Variants in FOXP1 observed in about 807,000 individuals in gnomAD.
The protein encoded by FOXP1 is forkhead box protein P1.
In FOXP1, 15 loss-of-function variants were observed where a neutral mutation model predicts 98.2. The ratio of observed to expected loss-of-function variants is 0.15; its 90% CI spans 0.10 to 0.24. FOXP1 has a LOEUF of 0.24. Ranked by LOEUF, FOXP1 falls within the 10% of genes least tolerant of loss-of-function variation. FOXP1 has a pLI of 1.00. For missense variants in FOXP1, 633 were observed against 848.5 expected (o/e 0.75, Z 3.15); for synonymous variants, 371 against 314.5 (o/e 1.18, Z -1.90).
intron 6 of FOXP1, among the ~76,000 whole-genome samples, chr3:71,157,051 G>A (rs1560036250): frequency 6.6e-6 from 1 of 152,240 alleles, no homozygotes; most frequent in South Asian, 2.1e-4. Flanking sequence ...ACAAGAGAGT[G>A]GAGGAGCATA....
chr3:71,009,562 G>T (rs548805686), intron 12 of FOXP1, among the ~76,000 whole-genome samples: 87 of 152,102 alleles, frequency 5.7e-4, no homozygotes, highest in African/African-American at 2.0e-3. Flanking sequence ...CAATTTCTTC[G>T]GATATATCAA....
chr3:71,016,965 T>C (rs1369647876), intron 11 of FOXP1, among the ~76,000 whole-genome samples: 1 of 150,662 alleles, frequency 6.6e-6, no homozygotes, highest in Non-Finnish European at 1.5e-5. Flanking sequence ...TTAAAGATAA[T>C]AACAAGCTAT....
intron 12 of FOXP1, among the ~76,000 whole-genome samples, chr3:71,010,792 A>C (rs1023588057): frequency 1.3e-5 from 2 of 152,098 alleles, no homozygotes; most frequent in Non-Finnish European, 2.9e-5. Context: ...CAATCTGAGC[A>C]AAGTACTTGA....
intron 5 of FOXP1, chr3:71,276,008 A>T (rs2070844119): frequency 6.6e-6 from 1 of 152,212 alleles, no homozygotes; most frequent in African/African-American, 2.4e-5. Context: ...ATTTGCACAA[A>T]TGACGGGTAG....
At chr3:71,072,308 A>C (rs1224383458) in intron 7 of FOXP1, among the ~76,000 whole-genome samples, 1 of 152,222 alleles carries the variant, frequency 6.6e-6, no homozygotes, top group Non-Finnish European at 1.5e-5. Flanking sequence ...CCTGGGCAAC[A>C]AGAATGAGAC....
chr3:71,043,688 T>C (rs1008073452), intron 10 of FOXP1, among the ~76,000 whole-genome samples: 13 of 152,222 alleles, frequency 8.5e-5, no homozygotes, highest in African/African-American at 3.1e-4. Context: ...AACTAAATGA[T>C]TTCTGGGTCA....
At chr3:71,372,617 T>G (rs927169387) in intron 3 of FOXP1, among the ~76,000 whole-genome samples, 2 of 152,188 alleles carry the variant, frequency 1.3e-5, no homozygotes, top group Non-Finnish European at 2.9e-5. Context: ...CCTCCTGCCA[T>G]CTACAGCACA....
chr3:71,109,611 C>T (rs752085372), intron 7 of FOXP1, among the ~76,000 whole-genome samples: 2 of 152,076 alleles, frequency 1.3e-5, no homozygotes, highest in South Asian at 2.1e-4. Context: ...AGAGCCACTC[C>T]GGCGGAGACG....
chr3:71,198,901 T>C (rs566775097), intron 5 of FOXP1, among the ~76,000 whole-genome samples: 39 of 151,952 alleles, frequency 2.6e-4, no homozygotes, highest in Non-Finnish European at 4.9e-4. Flanking sequence ...TTTCACCATG[T>C]TGGTTAGGCT....
intron 4 of FOXP1, among the ~76,000 whole-genome samples, chr3:71,328,990 C>CAA (rs56332143): frequency 1.7e-5 from 1 of 59,026 alleles, no homozygotes; most frequent in Non-Finnish European, 3.6e-5. Flanking sequence ...AAAAAAAAAA[C>CAA]AAAAAAAAAA....
At chr3:71,317,789 T>C (rs1255985380) in intron 4 of FOXP1, among the ~76,000 whole-genome samples, 2 of 152,072 alleles carry the variant, frequency 1.3e-5, no homozygotes, top group Middle Eastern at 3.2e-3. Context: ...AAAGAACATA[T>C]GTTCCTGAGG....
intron 2 of FOXP1, among the ~76,000 whole-genome samples, chr3:71,565,450 G>T (rs186008531): frequency 2.2e-4 from 34 of 152,264 alleles, no homozygotes; most frequent in East Asian, 9.6e-4. Flanking sequence ...GCAGTGATGG[G>T]GGGGGAGCTA....
chr3:71,489,852 T>C (rs142646129), intron 3 of FOXP1, among the ~76,000 whole-genome samples: 134 of 152,368 alleles, frequency 8.8e-4, no homozygotes, highest in Non-Finnish European at 1.7e-3. Flanking sequence ...TGTGCAAACC[T>C]TTTATTTCAT....
chr3:71,250,707 G>C (rs2068115589), intron 5 of FOXP1, among the ~76,000 whole-genome samples: 1 of 152,190 alleles, frequency 6.6e-6, no homozygotes, highest in Admixed American at 6.5e-5. Flanking sequence ...GAGGTGGGCA[G>C]ATCACCTGAG....
chr3:71,067,644 C>G (rs1679680483), intron 7 of FOXP1, among the ~76,000 whole-genome samples: 2 of 151,726 alleles, frequency 1.3e-5, no homozygotes, highest in African/African-American at 4.8e-5. Context: ...TACTCATAAT[C>G]CCAGCACTTT....
chr3:71,441,406 A>G (rs2085927053), intron 3 of FOXP1, among the ~76,000 whole-genome samples: 1 of 152,224 alleles, frequency 6.6e-6, no homozygotes, highest in Non-Finnish European at 1.5e-5. Flanking sequence ...CCAAATGTCA[A>G]CAGCGCTGAA....
intron 4 of FOXP1, among the ~76,000 whole-genome samples, chr3:71,313,580 C>T (rs1390586493): frequency 6.6e-6 from 1 of 151,702 alleles, no homozygotes; most frequent in East Asian, 2.0e-4. Context: ...GGCTGGAGTG[C>T]AGTGGCGCTA....
chr3:71,175,817 G>A (rs2061908789), intron 6 of FOXP1, among the ~76,000 whole-genome samples: 1 of 152,198 alleles, frequency 6.6e-6, no homozygotes, highest in Admixed American at 6.5e-5. Context: ...CCTCGTTTGT[G>A]AGTACTATCT....
intron 5 of FOXP1, among the ~76,000 whole-genome samples, chr3:71,255,352 C>T (rs1431446851): frequency 6.6e-6 from 1 of 152,040 alleles, no homozygotes; most frequent in Non-Finnish European, 1.5e-5. Flanking sequence ...ATCTGTACCC[C>T]GAAATGTTTT....
Sources: gnomAD v4.1 joint callset for allele counts (sites outside exome capture counted in the v4.1 genomes callset) on GRCh38, gnomAD v4.1.1 for gene constraint, MANE v1.5 for transcripts, NCBI Gene and HGNC (gene_info 2026-07-23, HGNC 2026-07-21) for gene names.